KSR1: variants seen among roughly 807,000 people sequenced by gnomAD.
KSR1 encodes kinase suppressor of ras.
A neutral mutation model predicts 92.9 loss-of-function variants in KSR1; 35 were observed. That is an observed-to-expected ratio of 0.38 (90% CI 0.29 to 0.50). The LOEUF is 0.50. KSR1 is among the 20% of genes least tolerant of loss of function. The probability of loss-of-function intolerance (pLI) is 0.94; values close to 1 mark genes in which losing one functional copy is unlikely to be tolerated. For missense variants in KSR1, 972 were observed against 1,158.5 expected (o/e 0.84, Z 2.34); for synonymous variants, 467 against 472.6 (o/e 0.99, Z 0.15).
intron 1 of KSR1, among the ~76,000 whole-genome samples, chr17:27,527,401 C>T (rs985768746): frequency 8.6e-6 from 1 of 116,848 alleles, no homozygotes; most frequent in Non-Finnish European, 1.9e-5. Context: ...GCCCCCCCCC[C>T]CCCCTTTTTT....
chr17:27,608,321 C>T (rs2073820277), intron 15 of KSR1, among the ~76,000 whole-genome samples: 1 of 152,206 alleles, frequency 6.6e-6, no homozygotes, highest in Non-Finnish European at 1.5e-5. Flanking sequence ...GGTTTAGCCT[C>T]TCTAAGCCTC....
At chr17:27,511,645 T>G (rs947384944) in intron 1 of KSR1, among the ~76,000 whole-genome samples, 6 of 152,042 alleles carry the variant, frequency 3.9e-5, no homozygotes, top group Admixed American at 1.3e-4. Context: ...ATGGCTGAGG[T>G]ATCTGCATAG....
intron 6 of KSR1, among the ~76,000 whole-genome samples, chr17:27,588,765 CT>C (rs2073064603): frequency 6.6e-6 from 1 of 152,190 alleles, no homozygotes; most frequent in Non-Finnish European, 1.5e-5. Context: ...CCTCACTCTG[CT>C]TAGGGAAAAC....
At chr17:27,465,579 G>A (rs1296257193) in intron 1 of KSR1, 1 of 152,186 alleles carries the variant, frequency 6.6e-6, no homozygotes, top group South Asian at 2.1e-4. Context: ...TTTTAAAAAA[G>A]GGGGGAAAGT....
At chr17:27,586,008 A>G (rs2948512) in intron 5 of KSR1, 195,902 of 338,188 alleles carry the variant, frequency 0.58, 56,776 homozygotes, top group Admixed American at 0.69. Context: ...GTAAAGCAGC[A>G]CCCCTGGGAA....
rs370374569 is a variant in KSR1 at position 27,609,225 on chromosome 17, C to T, written c.2121C>T (p.Ile707=). 6.3e-5 allele frequency: 102 copies of T among 1,613,966 alleles called. No homozygotes were observed. In the African/African-American group the frequency reaches 6.5e-4, roughly 10 times the overall value. The change falls in exon 16 of 21, where the codon ATC becomes ATT. Residue 707 remains isoleucine, a synonymous_variant. Transcript: ENST00000644974. ...KGMGYLHAKG[I]VHKDLKSKNV... is the part of the protein sequence containing the mutation. ...TGGGATATCTTCATGCCAAGGGCAT[C>T]GTACACAAAGATCTCAAATCTAAGA...
chr17:27,490,545 CA>C (rs1265267470), intron 1 of KSR1, among the ~76,000 whole-genome samples: 2 of 151,916 alleles, frequency 1.3e-5, no homozygotes, highest in Admixed American at 6.6e-5. Flanking sequence ...GTAGGAGGAT[CA>C]GGGGTGGGGG....
At chr17:27,523,832 A>G (rs2945377) in intron 1 of KSR1, among the ~76,000 whole-genome samples, 64,090 of 152,062 alleles carry the variant, frequency 0.42, 14,490 homozygotes, top group African/African-American at 0.58. Flanking sequence ...AGGATGTGTC[A>G]TGTATATATT....
At chr17:27,515,021 T>C (rs2151009035) in intron 1 of KSR1, among the ~76,000 whole-genome samples, 1 of 152,238 alleles carries the variant, frequency 6.6e-6, no homozygotes, top group Admixed American at 6.5e-5. Context: ...CTAAGCACAT[T>C]GTTATTTGAA....
intron 1 of KSR1, among the ~76,000 whole-genome samples, chr17:27,458,055 C>T (rs2019263897): frequency 6.6e-6 from 1 of 152,214 alleles, no homozygotes; most frequent in African/African-American, 2.4e-5. Flanking sequence ...GGTGACTCTC[C>T]CTCAGTTTTA....
chr17:27,550,776 C>A, intron 2 of KSR1, 68 bp downstream of exon 2: 1 of 720,096 alleles, frequency 1.4e-6, no homozygotes, highest in South Asian at 1.4e-5. Flanking sequence ...CACACAAACC[C>A]GAGGGCTAGC....
chr17:27,548,348 G>A (rs531339842), intron 1 of KSR1, among the ~76,000 whole-genome samples: 2 of 152,112 alleles, frequency 1.3e-5, no homozygotes, highest in African/African-American at 2.4e-5. Context: ...CTGGTTATAA[G>A]CTTTTATTCT....
chr17:27,505,598 C>T (rs1026243865), intron 1 of KSR1, among the ~76,000 whole-genome samples: 1 of 152,064 alleles, frequency 6.6e-6, no homozygotes. Flanking sequence ...GCTGCGATCT[C>T]CCTGTGATTC....
chr17:27,512,426 A>G (rs2069633637), intron 1 of KSR1, among the ~76,000 whole-genome samples: 2 of 152,210 alleles, frequency 1.3e-5, no homozygotes, highest in Admixed American at 6.5e-5. Context: ...GGTTCAATCA[A>G]GATGTATTGA....
At chr17:27,579,987 A>T (rs1006920311) in intron 3 of KSR1, 2 of 145,242 alleles carry the variant, frequency 1.4e-5, no homozygotes, top group African/African-American at 5.1e-5. Flanking sequence ...CCTTCACCCG[A>T]GGCAGATATC....
chr17:27,569,125 C>G (rs2072204024), intron 2 of KSR1, among the ~76,000 whole-genome samples: 1 of 152,072 alleles, frequency 6.6e-6, no homozygotes, highest in Non-Finnish European at 1.5e-5. Flanking sequence ...AATACTGTTT[C>G]TTTTTTTAAA....
At chr17:27,529,340 C>T (rs1324959690) in intron 1 of KSR1, among the ~76,000 whole-genome samples, 1 of 152,060 alleles carries the variant, frequency 6.6e-6, no homozygotes, top group Non-Finnish European at 1.5e-5. Flanking sequence ...AATGTAGTTA[C>T]CTACTTCCCC....
chr17:27,514,406 C>T (rs2069712670), intron 1 of KSR1, among the ~76,000 whole-genome samples: 1 of 152,216 alleles, frequency 6.6e-6, no homozygotes, highest in African/African-American at 2.4e-5. Flanking sequence ...CGCCTGTAAT[C>T]CCAGCACTTT....
At chr17:27,518,106 T>C in intron 1 of KSR1, among the ~76,000 whole-genome samples, 1 of 152,152 alleles carries the variant, frequency 6.6e-6, no homozygotes, top group Admixed American at 6.5e-5. Flanking sequence ...ATTCATGCAG[T>C]AGGCTGTTAG....
Sources: gnomAD v4.1 joint callset for allele counts (sites outside exome capture counted in the v4.1 genomes callset) on GRCh38, gnomAD v4.1.1 for gene constraint, MANE v1.5 for transcripts, NCBI Gene and HGNC (gene_info 2026-07-23, HGNC 2026-07-21) for gene names.